Variants in SUGCT observed in about 807,000 individuals in gnomAD.
SUGCT encodes succinyl-CoA:glutarate-CoA transferase.
SUGCT carries 41 observed loss-of-function variants against 55.0 expected under a neutral mutation model. The observed-to-expected ratio is 0.74, with a 90% CI of 0.58 to 0.97. SUGCT has a LOEUF of 0.97. Among genes scored for constraint, SUGCT ranks in the 50% least tolerant of loss-of-function variants. The pLI is 0.00. For missense variants in SUGCT, 568 were observed against 547.8 expected (o/e 1.04, Z -0.37); for synonymous variants, 187 against 200.4 (o/e 0.93, Z 0.56).
the SUGCT span, among the ~76,000 whole-genome samples, chr7:40,940,705 G>C: frequency 1.3e-5 from 2 of 152,038 alleles, no homozygotes; most frequent in Non-Finnish European, 2.9e-5. Context: ...GTATAGCCAT[G>C]CTACTGGTTT....
chr7:40,295,519 T>C (rs1000794944), intron 8 of SUGCT, among the ~76,000 whole-genome samples: 3 of 152,318 alleles, frequency 2.0e-5, no homozygotes, highest in Admixed American at 6.5e-5. Context: ...GAGTTTGTAG[T>C]GACCTGAGAT....
chr7:40,900,979 G>A, the SUGCT span, among the ~76,000 whole-genome samples: 1 of 152,212 alleles, frequency 6.6e-6, no homozygotes. Context: ...GAGCTTAAAA[G>A]AAAGAAATGT....
At chr7:40,762,844 G>A (rs1252142198) in intron 13 of SUGCT, among the ~76,000 whole-genome samples, 1 of 149,008 alleles carries the variant, frequency 6.7e-6, no homozygotes, top group Non-Finnish European at 1.5e-5. Flanking sequence ...ATCTCACTCT[G>A]TTGCCCAGGC....
At chr7:40,604,095 A>G (rs1798415571) in intron 12 of SUGCT, among the ~76,000 whole-genome samples, 1 of 152,032 alleles carries the variant, frequency 6.6e-6, no homozygotes, top group Admixed American at 6.5e-5. Context: ...AGGTTCCTCA[A>G]TGTGGGGGTA....
chr7:40,916,457 T>C, the SUGCT span, among the ~76,000 whole-genome samples: 2 of 152,178 alleles, frequency 1.3e-5, no homozygotes, highest in African/African-American at 4.8e-5. Flanking sequence ...ATTAGGTAGC[T>C]CATGAGCTTC....
chr7:40,439,068 A>ATATATGTGTG (rs1417774581), intron 9 of SUGCT, among the ~76,000 whole-genome samples: 7 of 34,468 alleles, frequency 2.0e-4, no homozygotes, highest in African/African-American at 7.9e-4. Flanking sequence ...TATGGTGTAT[A>ATATATGTGTG]TATATATATA....
At chr7:40,806,180 G>C (rs1463640640) in intron 13 of SUGCT, among the ~76,000 whole-genome samples, 1 of 152,110 alleles carries the variant, frequency 6.6e-6, no homozygotes, top group East Asian at 1.9e-4. Context: ...CTTTTAAAAA[G>C]GGGCGATGTC....
chr7:40,995,380 C>CCGTTATTATTATTAT, the SUGCT span, among the ~76,000 whole-genome samples: 27 of 44,142 alleles, frequency 6.1e-4, no homozygotes, highest in African/African-American at 3.4e-3. Flanking sequence ...CCTATAATAG[C>CCGTTATTATTATTAT]TGTTATTATT....
intron 8 of SUGCT, among the ~76,000 whole-genome samples, chr7:40,297,965 A>G (rs985337708): frequency 6.6e-6 from 1 of 152,040 alleles, no homozygotes; most frequent in African/African-American, 2.4e-5. Flanking sequence ...TTTTTTAAAC[A>G]TAGCCTTTTT....
chr7:40,250,570 C>T (rs914872657), intron 7 of SUGCT, among the ~76,000 whole-genome samples: 2 of 151,916 alleles, frequency 1.3e-5, no homozygotes, highest in African/African-American at 4.8e-5. Context: ...TATGCTTATA[C>T]GTTGGCATAT....
At chr7:40,931,209 T>C in the SUGCT span, among the ~76,000 whole-genome samples, 1 of 152,236 alleles carries the variant, frequency 6.6e-6, no homozygotes, top group Non-Finnish European at 1.5e-5. Context: ...GTTCTGTTTA[T>C]ATGATGGATT....
intron 12 of SUGCT, among the ~76,000 whole-genome samples, chr7:40,535,233 G>A (rs983038950): frequency 1.3e-5 from 2 of 152,036 alleles, no homozygotes; most frequent in Non-Finnish European, 2.9e-5. Context: ...TGATGCTGAG[G>A]TTTGGGTTAC....
At chr7:40,897,438 C>T in the SUGCT span, among the ~76,000 whole-genome samples, 1 of 151,484 alleles carries the variant, frequency 6.6e-6, no homozygotes. Context: ...CACACACACA[C>T]ACACACACAC....
the SUGCT span, among the ~76,000 whole-genome samples, chr7:40,907,033 C>CTTCA: frequency 6.6e-6 from 1 of 151,204 alleles, no homozygotes; most frequent in African/African-American, 2.4e-5. Flanking sequence ...TAGGATGGGG[C>CTTCA]TTCAGTTCAG....
chr7:40,494,301 G>A (rs1255197873), intron 11 of SUGCT, among the ~76,000 whole-genome samples: 1 of 152,070 alleles, frequency 6.6e-6, no homozygotes. Flanking sequence ...CACCCTATTC[G>A]AAAAGGCTGC....
chr7:40,621,432 C>T lies in SUGCT; in HGVS notation c.1089+125046C>T, dbSNP rs76693513. 3.8e-3 allele frequency among the ~76,000 whole-genome samples: 572 copies of T among 152,222 alleles called. 4 individuals are homozygous for T. Among genetic ancestry groups the T allele is most frequent in the African/African-American group, 0.013 (520 of 41,528 alleles). The stretch of plus-strand genomic sequence containing the variant: ...TTTATTCCCTGGCTTGAGGCTTGAA[C>T]GCACAAAGTCTCCAGGGAAGAGTGG... On this transcript the variant is annotated intron_variant, in intron 12 of 13. Coordinates refer to ENST00000335693, the MANE Select transcript of SUGCT (RefSeq NM_001193313.2).
the SUGCT span, among the ~76,000 whole-genome samples, chr7:40,997,949 T>C: frequency 6.6e-6 from 1 of 152,188 alleles, no homozygotes; most frequent in Admixed American, 6.5e-5. Context: ...ATAAGCAACC[T>C]GCTCAATGCT....
chr7:40,260,615 C>A (rs1791157823), intron 7 of SUGCT, among the ~76,000 whole-genome samples: 2 of 152,086 alleles, frequency 1.3e-5, no homozygotes, highest in Non-Finnish European at 2.9e-5. Context: ...AAAAAATATT[C>A]AGCTTTGAGG....
chr7:40,812,507 C>T (rs975042730), intron 13 of SUGCT, among the ~76,000 whole-genome samples: 94 of 152,066 alleles, frequency 6.2e-4, no homozygotes, highest in African/African-American at 2.0e-3. Context: ...CTAGTTTGCA[C>T]GCATAGAGGT....
Sources: gnomAD v4.1 joint callset for allele counts (sites outside exome capture counted in the v4.1 genomes callset) on GRCh38, gnomAD v4.1.1 for gene constraint, MANE v1.5 for transcripts, NCBI Gene and HGNC (gene_info 2026-07-23, HGNC 2026-07-21) for gene names.